The following TRIM37 variants were observed in gnomAD, a reference collection of about 807,000 sequenced individuals.
TRIM37 encodes the protein tripartite motif containing 37.
TRIM37 carries 80 observed loss-of-function variants against 129.8 expected under a neutral mutation model. The observed-to-expected ratio is 0.62, with a 90% CI of 0.51 to 0.74. The LOEUF (loss-of-function observed/expected upper bound fraction) is 0.74. TRIM37 is among the 30% of genes least tolerant of loss of function. The pLI, the probability that TRIM37 is intolerant of heterozygous loss-of-function variation, is 0.00. For missense variants in TRIM37, 1,054 were observed against 1,176.5 expected, an observed-to-expected ratio of 0.90 and a Z score of 1.52; for synonymous variants, 389 against 387.1, an observed-to-expected ratio of 1.00 and a Z score of -0.06.
intron 13 of TRIM37, 143 bp from the exon 14 acceptor site, chr17:59,051,471 A>G (rs1213396875): frequency 2.9e-6 from 2 of 685,828 alleles, no homozygotes; most frequent in Non-Finnish European, 5.3e-6. Flanking sequence ...TGTTGTTTAT[A>G]GATGTAGTCC....
chr17:59,023,453 A>G (rs2036851760), intron 19 of TRIM37, among the ~76,000 whole-genome samples: 1 of 152,054 alleles, frequency 6.6e-6, no homozygotes, highest in East Asian at 1.9e-4. Flanking sequence ...GGAGATCAAG[A>G]CCATCCTGGC....
At chr17:59,026,645 C>A (rs978728808) in intron 19 of TRIM37, among the ~76,000 whole-genome samples, 1 of 152,118 alleles carries the variant, frequency 6.6e-6, no homozygotes, top group South Asian at 2.1e-4. Flanking sequence ...AAAGGACACC[C>A]CTGCCAACAA....
intron 15 of TRIM37, 53 bp downstream of exon 15, chr17:59,049,125 C>T: frequency 2.1e-6 from 3 of 1,429,192 alleles, no homozygotes; most frequent in East Asian, 2.3e-5. Flanking sequence ...AGCCATGATG[C>T]TACTGTTTTT....
intron 8 of TRIM37, among the ~76,000 whole-genome samples, chr17:59,075,263 G>T (rs150189303): frequency 1.3e-5 from 2 of 151,564 alleles, no homozygotes; most frequent in African/African-American, 2.4e-5. Flanking sequence ...AAAAAAAAAC[G>T]TTTATAATAT....
chr17:59,042,441 A>ATATATATATATATATATATAT (rs1555661491), intron 16 of TRIM37, among the ~76,000 whole-genome samples: 4 of 84,464 alleles, frequency 4.7e-5, no homozygotes, highest in African/African-American at 1.8e-4. Flanking sequence ...TAAAAAAAAA[A>ATATATATATATATATATATAT]AAAAAAAAAT....
At position 59,001,502 on chromosome 17, in the gene TRIM37, G is replaced by A. The variant is rs143704473; in HGVS notation, c.2812+96C>T. ...AAGCAGAAGAAGCAAAAGCAGTAGA[G>A]CGGAAAAAGTAGAAGTAGCAGCAGC... On this transcript the variant is annotated intron_variant, in intron 23 of 23. Transcript: ENST00000262294. The A allele has an allele frequency of 2.2e-4, 328 of 1,509,674 alleles. 3 individuals carry two copies. The East Asian group carries it at 5.4e-3, about 25-fold the overall frequency. 93.5% of individuals were successfully genotyped at this position (1,509,674 alleles called of 1,614,324 possible). A position where few individuals can be genotyped will look rare whatever the true frequency, so the allele number is the denominator to read the frequency against.
Position 59,070,814 on chromosome 17 carries a change from G to C in TRIM37, c.809+9C>G. 1.2e-6 allele frequency: 2 copies of C among 1,613,474 alleles called. No homozygotes were observed. Among genetic ancestry groups the C allele is most frequent in the Non-Finnish European group, 1.7e-6 (2 of 1,179,584 alleles). On this transcript the variant is annotated intron_variant, in intron 9 of 23. Transcript: ENST00000262294. ...TCAAATGAAAATGAAATTAAAAACTGTGTCATACCTGGTAAAGTCTGGTGG... is the reference window on the plus strand; with the variant it reads ...TCAAATGAAAATGAAATTAAAAACTCTGTCATACCTGGTAAAGTCTGGTGG...
At chr17:58,969,739 T>C in the TRIM37 span, 1 of 1,612,998 alleles carries the variant, frequency 6.2e-7, no homozygotes, top group Non-Finnish European at 8.5e-7. Flanking sequence ...TATGCCCCTT[T>C]CTCATAAGTT....
At chr17:58,993,190 C>T (rs1438825290) in intron 24 of TRIM37, among the ~76,000 whole-genome samples, 1 of 152,202 alleles carries the variant, frequency 6.6e-6, no homozygotes. Context: ...TTACCTTTTG[C>T]CATGATTGTG....
At chr17:59,045,836 G>A (rs1217484827) in intron 16 of TRIM37, among the ~76,000 whole-genome samples, 1 of 151,522 alleles carries the variant, frequency 6.6e-6, no homozygotes, top group African/African-American at 2.4e-5. Context: ...CCAACATGGT[G>A]AAACCCCGTC....
rs557040636 is a variant in TRIM37, at chr17:59,041,728, C to T, written c.1753+85G>A. The T allele has an allele frequency of 5.5e-5, 56 of 1,018,756 alleles. No homozygotes were observed. In the East Asian group the frequency reaches 1.3e-3, roughly 24 times the overall value. The allele number at this position is 1,018,756 out of a possible 1,614,324, so 63.1% of individuals were successfully genotyped here. A position where few individuals can be genotyped will look rare whatever the true frequency, so the allele number is the denominator to read the frequency against. The stretch of plus-strand genomic sequence containing the variant: ...ACCATGAACCATGTACAAGCAGTGG[C>T]TACCACCTATTTAAAATATAATACA... On this transcript the variant is annotated intron_variant, in intron 17 of 23. Transcript: ENST00000262294.
In TRIM37 at chr17:59,062,590, A is replaced by G; in HGVS notation, c.919T>C (p.Cys307Arg). Residue 307 changes from cysteine (C) to arginine (R), a missense_variant, in exon 11 of 24, where the codon TGC (cysteine) becomes CGC (arginine). Cys to Arg is a radical substitution (Grantham distance 180). This residue lies in a region of TRIM37 where 752 missense variants were observed against 870.8 expected (regional missense o/e 0.86). Coordinates refer to ENST00000262294, the MANE Select transcript of TRIM37 (RefSeq NM_015294.6). ...ACTGGGTAAACTTTTAACCTCCAGCAAAGTCCTGAAACTTGAAGAGGTGGA... is the reference window on the plus strand; with the variant it reads ...ACTGGGTAAACTTTTAACCTCCAGCGAAGTCCTGAAACTTGAAGAGGTGGA... Reference protein sequence around the residue: ...YSPPLQVSGLCWRLKVYPDGN... With the variant: ...YSPPLQVSGLRWRLKVYPDGN... 6.2e-7 allele frequency: 1 copy of G among 1,614,112 alleles called. No homozygotes were observed. Among genetic ancestry groups the G allele is most frequent in the Non-Finnish European group, 8.5e-7 (1 of 1,179,970 alleles).
At chr17:59,032,593 T>TA (rs2038009786) in intron 17 of TRIM37, among the ~76,000 whole-genome samples, 1 of 150,862 alleles carries the variant, frequency 6.6e-6, no homozygotes, top group Non-Finnish European at 1.5e-5. Context: ...GCACAGTGAT[T>TA]GAGTGGTGGC....
At chr17:59,011,516 G>A (rs539528340) in intron 22 of TRIM37, among the ~76,000 whole-genome samples, 2 of 152,290 alleles carry the variant, frequency 1.3e-5, no homozygotes, top group Admixed American at 6.5e-5. Context: ...AGGTGGTGGA[G>A]TTTCACTAAG....
At chr17:59,002,426 G>T (rs1238467673) in intron 22 of TRIM37, among the ~76,000 whole-genome samples, 1 of 152,032 alleles carries the variant, frequency 6.6e-6, no homozygotes, top group Non-Finnish European at 1.5e-5. Context: ...GGAGGGACAG[G>T]GTCTTGCTAT....
At chr17:58,981,172 T>C (rs895889133), downstream of TRIM37, 83 of 644,992 alleles carry the variant, frequency 1.3e-4, no homozygotes, top group Non-Finnish European at 2.1e-5. Flanking sequence ...AATAGATCTC[T>C]AGGAAACTCA....
chr17:59,029,979 A>G (rs1319616259), intron 18 of TRIM37, among the ~76,000 whole-genome samples: 2 of 142,204 alleles, frequency 1.4e-5, no homozygotes, highest in Non-Finnish European at 3.1e-5. Flanking sequence ...ACACTCAGTA[A>G]AAACAGATAT....
At chr17:59,003,911 C>A (rs1286816099) in intron 22 of TRIM37, among the ~76,000 whole-genome samples, 2 of 145,528 alleles carry the variant, frequency 1.4e-5, no homozygotes, top group Admixed American at 1.4e-4. Context: ...CTTAGCAAAG[C>A]CCCATCTCTA....
Position 59,083,996 on chromosome 17 carries a change from G to A in TRIM37, c.369+6C>T. ...TTAAAAAAAATACTGAATTTGTTCT[G>A]CTCACCATTCCTCCCCAAAGTGCAC... is the stretch of plus-strand genomic sequence containing the variant. On this transcript the variant is annotated splice_donor_region_variant and intron_variant, in intron 5 of 23. Coordinates refer to ENST00000262294, the MANE Select transcript of TRIM37 (RefSeq NM_015294.6). 1 of 1,611,748 alleles carries A rather than the reference G, an allele frequency of 6.2e-7. No homozygotes were observed. The highest frequency in any genetic ancestry group is 8.5e-7 in the Non-Finnish European group (1 of 1,178,134).
Sources: gnomAD v4.1 joint callset for allele counts (sites outside exome capture counted in the v4.1 genomes callset) on GRCh38, gnomAD v4.1.1 for gene constraint, gnomAD v4.1.1 regional missense constraint, MANE v1.5 for transcripts, NCBI Gene and HGNC (gene_info 2026-07-23, HGNC 2026-07-21) for gene names.